Variants in DGKB observed in about 807,000 individuals in gnomAD.
The protein encoded by DGKB is 90 kDa diacylglycerol kinase.
A neutral mutation model predicts 114.3 loss-of-function variants in DGKB; 67 were observed. The observed-to-expected ratio is 0.59, with a 90% CI of 0.48 to 0.72. The LOEUF (loss-of-function observed/expected upper bound fraction) is 0.72, where lower values mean the gene tolerates loss of function less well. DGKB is among the 30% of genes least tolerant of loss of function. The pLI, the probability that DGKB is intolerant of heterozygous loss-of-function variation, is 0.00. For synonymous variants in DGKB, 398 were observed against 323.1 expected (o/e 1.23, Z -2.49); for missense variants, 907 against 975.2 (o/e 0.93, Z 0.93).
chr7:14,637,091 G>A (rs902865701), intron 13 of DGKB, among the ~76,000 whole-genome samples: 1 of 151,810 alleles, frequency 6.6e-6, no homozygotes, highest in South Asian at 2.1e-4. Flanking sequence ...CTACCTAAGA[G>A]CTATTCATCT....
intron 23 of DGKB, among the ~76,000 whole-genome samples, chr7:14,313,323 G>C (rs546528935): frequency 2.6e-5 from 4 of 152,216 alleles, no homozygotes; most frequent in South Asian, 2.1e-4. Context: ...CCTGAGCGAC[G>C]CAGAAGACGG....
At chr7:14,919,095 A>AAC (rs3036019) in intron 1 of DGKB, among the ~76,000 whole-genome samples, 13,603 of 114,564 alleles carry the variant, frequency 0.12, 1,021 homozygotes, top group Non-Finnish European at 0.16. Flanking sequence ...CACACACACA[A>AAC]ACACACACAC....
intron 21 of DGKB, among the ~76,000 whole-genome samples, chr7:14,370,143 C>A (rs768220467): frequency 2.6e-5 from 4 of 152,084 alleles, no homozygotes; most frequent in African/African-American, 4.8e-5. Context: ...AGGAAGGGGT[C>A]CAGTTTCAGT....
chr7:14,610,550 A>C (rs1204275284), intron 16 of DGKB, among the ~76,000 whole-genome samples: 1 of 152,102 alleles, frequency 6.6e-6, no homozygotes, highest in African/African-American at 2.4e-5. Context: ...ATTTAAACCT[A>C]AATTGGTTTT....
intron 6 of DGKB, among the ~76,000 whole-genome samples, chr7:14,705,227 G>A (rs1315237962): frequency 2.0e-5 from 3 of 152,050 alleles, no homozygotes; most frequent in East Asian, 1.9e-4. Flanking sequence ...AGCAATGGAA[G>A]ATGAAATGAA....
chr7:14,398,789 T>C (rs1822641465), intron 21 of DGKB, among the ~76,000 whole-genome samples: 1 of 45,626 alleles, frequency 2.2e-5, no homozygotes, highest in Non-Finnish European at 6.5e-5. Context: ...ACATGGTCTA[T>C]GACTAAAAAA....
At chr7:14,825,857 C>T (rs575885138) in intron 2 of DGKB, among the ~76,000 whole-genome samples, 3 of 152,138 alleles carry the variant, frequency 2.0e-5, no homozygotes, top group Non-Finnish European at 2.9e-5. Flanking sequence ...GAGCTCTTAC[C>T]TCTGTATTAT....
chr7:14,191,186 G>T, intron 23 of DGKB: 2 of 165,826 alleles, frequency 1.2e-5, no homozygotes, highest in South Asian at 3.4e-4. Context: ...CTCCAGGAAT[G>T]AACAGACGTA....
intron 21 of DGKB, among the ~76,000 whole-genome samples, chr7:14,436,036 A>C (rs1297838395): frequency 6.6e-6 from 1 of 152,020 alleles, no homozygotes; most frequent in Non-Finnish European, 1.5e-5. Context: ...TCTAATGCCT[A>C]ATTTTTCCCA....
chr7:14,345,355 T>C lies in DGKB; in HGVS notation c.1872A>G (p.Thr624=). 11 of 1,545,820 alleles carry C rather than the reference T, an allele frequency of 7.1e-6. No homozygotes were observed. The highest frequency in any genetic ancestry group is 9.6e-6 in the Non-Finnish European group (11 of 1,144,110). The change falls in exon 22 of 26, where the codon ACA becomes ACG. Residue 624 remains threonine, a synonymous_variant. Transcript: ENST00000402815. The stretch of plus-strand genomic sequence containing the variant: ...TGCAGGTGGCTGAGAAAGTTTCAGA[T>C]GTGCCAAACTCAAAATACCAAAATT... ...KNKFWYFEFG[T]SETFSATCKK...
chr7:14,231,270 A>G (rs1268565782), intron 23 of DGKB, among the ~76,000 whole-genome samples: 1 of 151,660 alleles, frequency 6.6e-6, no homozygotes, highest in Non-Finnish European at 1.5e-5. Context: ...AGTAGCTGGG[A>G]CTATAGGCCT....
chr7:14,300,678 C>G (rs1803388155), intron 23 of DGKB, among the ~76,000 whole-genome samples: 1 of 152,004 alleles, frequency 6.6e-6, no homozygotes, highest in Non-Finnish European at 1.5e-5. Flanking sequence ...CACTTTTGAT[C>G]TTAATATTAA....
intron 2 of DGKB, among the ~76,000 whole-genome samples, chr7:14,796,402 G>C (rs914329503): frequency 2.6e-5 from 4 of 152,152 alleles, no homozygotes; most frequent in African/African-American, 9.7e-5. Context: ...CTTGATTGGT[G>C]CCAAAACTGT....
chr7:14,753,373 T>G (rs1011940591), intron 4 of DGKB, among the ~76,000 whole-genome samples: 1 of 152,192 alleles, frequency 6.6e-6, no homozygotes, highest in Non-Finnish European at 1.5e-5. Context: ...ACTACTGTTC[T>G]AAAACTTAAT....
At chr7:14,875,573 C>T (rs1002530493) in intron 1 of DGKB, among the ~76,000 whole-genome samples, 2 of 152,134 alleles carry the variant, frequency 1.3e-5, no homozygotes, top group Non-Finnish European at 2.9e-5. Flanking sequence ...ACTGTTAGGA[C>T]TACTGTTGAT....
chr7:14,449,700 G>A (rs1425163500), intron 21 of DGKB, among the ~76,000 whole-genome samples: 1 of 152,002 alleles, frequency 6.6e-6, no homozygotes, highest in Non-Finnish European at 1.5e-5. Flanking sequence ...TAAATATCTT[G>A]CAGAGATATG....
chr7:14,459,547 T>G (rs1313508958), intron 21 of DGKB, among the ~76,000 whole-genome samples: 1 of 151,354 alleles, frequency 6.6e-6, no homozygotes, highest in African/African-American at 2.4e-5. Context: ...AAGACAAGAT[T>G]AGAGAAAAAA....
rs1430296465 is a variant in DGKB, at chr7:14,825,656, T to C, written c.70+15538A>G. On this transcript the variant is annotated intron_variant, in intron 2 of 25. Transcript: ENST00000402815. ...ACTGGCTCACCTGCCTCTCAGCTTT[T>C]GCTGTGCAGCCTGGTTCCTAACAGG... Among the ~76,000 whole-genome samples, 5 of 152,162 alleles carry C rather than the reference T, an allele frequency of 3.3e-5. No individual in the cohort carries two copies. In the East Asian group the frequency reaches 9.7e-4, roughly 29 times the overall value.
rs190318569 is a variant in DGKB, at chr7:14,433,724, G to A, written c.1835+44437C>T. Among the ~76,000 whole-genome samples the A allele has an allele frequency of 2.2e-3, 339 of 152,230 alleles. 2 individuals are homozygous for A. The highest frequency in any genetic ancestry group is 7.7e-3 in the African/African-American group (319 of 41,552). On this transcript the variant is annotated intron_variant, in intron 21 of 25. Transcript: ENST00000402815. ...AATAGTCAATTAAGGATCTAATTAAGGGTAGAGTATTCCTTATCTAAAACG... is the reference window on the plus strand; with the variant it reads ...AATAGTCAATTAAGGATCTAATTAAAGGTAGAGTATTCCTTATCTAAAACG...
Sources: allele counts gnomAD v4.1 joint callset (sites outside exome capture counted in the v4.1 genomes callset), GRCh38; gene constraint gnomAD v4.1.1; transcripts MANE v1.5; gene names NCBI Gene and HGNC (gene_info 2026-07-23, HGNC 2026-07-21).